TPD52: variants seen among roughly 807,000 people sequenced by gnomAD.
TPD52 encodes tumor protein D52.
A neutral mutation model predicts 31.3 loss-of-function variants in TPD52; 17 were observed. That is an observed-to-expected ratio of 0.54 (90% CI 0.37 to 0.82). TPD52 has a LOEUF of 0.82. Among genes scored for constraint, TPD52 ranks in the 40% least tolerant of loss-of-function variants. The probability of loss-of-function intolerance (pLI) is 0.00; values close to 1 mark genes in which losing one functional copy is unlikely to be tolerated. For synonymous variants in TPD52, 83 were observed against 89.6 expected (o/e 0.93, Z 0.42); for missense variants, 212 against 240.1 (o/e 0.88, Z 0.77).
chr8:80,169,270 C>G (rs140829638), intron 1 of TPD52, among the ~76,000 whole-genome samples: 1 of 152,000 alleles, frequency 6.6e-6, no homozygotes. Flanking sequence ...TGTGAGCCAC[C>G]GCACCCAGCC....
chr8:80,103,332 A>T (rs1321358801), intron 1 of TPD52, among the ~76,000 whole-genome samples: 1 of 152,226 alleles, frequency 6.6e-6, no homozygotes, highest in African/African-American at 2.4e-5. Context: ...ACTAACCTCT[A>T]ACTAGAAACT....
At chr8:80,154,823 C>T (rs1307613871) in intron 1 of TPD52, among the ~76,000 whole-genome samples, 3 of 151,054 alleles carry the variant, frequency 2.0e-5, no homozygotes, top group Non-Finnish European at 4.4e-5. Flanking sequence ...AAATCCATTT[C>T]AGGGTTTTTT....
intron 2 of TPD52, among the ~76,000 whole-genome samples, chr8:80,059,898 T>C (rs60683704): frequency 0.033 from 5,060 of 151,596 alleles, 269 homozygotes; most frequent in African/African-American, 0.12. Context: ...CTGGCCAACA[T>C]GGTGAAACCT....
intron 1 of TPD52, among the ~76,000 whole-genome samples, chr8:80,124,293 A>G: frequency 6.6e-6 from 1 of 152,022 alleles, no homozygotes; most frequent in East Asian, 1.9e-4. Flanking sequence ...AGCTTCCCAA[A>G]TAGCTGAGAC....
downstream of TPD52, among the ~76,000 whole-genome samples, chr8:80,032,099 G>A (rs935272441): frequency 1.2e-4 from 17 of 144,204 alleles, no homozygotes; most frequent in African/African-American, 4.1e-4. Flanking sequence ...GTTGCAGTGA[G>A]CCAAGATCAC....
At chr8:80,051,335 AT>A in intron 4 of TPD52, 191 bp downstream of exon 4, 1 of 566,394 alleles carries the variant, frequency 1.8e-6, no homozygotes, top group Non-Finnish European at 3.1e-6. Context: ...TCAGATGATC[AT>A]TTGATGTTAG....
intron 1 of TPD52, among the ~76,000 whole-genome samples, chr8:80,109,001 T>C (rs979937022): frequency 2.0e-5 from 3 of 152,240 alleles, no homozygotes; most frequent in African/African-American, 7.2e-5. Flanking sequence ...GTTCTCTTTA[T>C]AACAAGACAC....
chr8:80,117,560 CTCAA>C (rs758118814), intron 1 of TPD52, among the ~76,000 whole-genome samples: 32 of 152,128 alleles, frequency 2.1e-4, no homozygotes, highest in Non-Finnish European at 3.7e-4. Context: ...GACAATACCT[CTCAA>C]TCAATTTACA....
chr8:80,064,364 T>C, intron 2 of TPD52, 114 bp downstream of exon 2: 1 of 845,372 alleles, frequency 1.2e-6, no homozygotes. Flanking sequence ...AGTAAACACA[T>C]ATGCTTTCTC....
At chr8:80,072,286 G>A (rs1001087157) in intron 1 of TPD52, among the ~76,000 whole-genome samples, 5 of 151,056 alleles carry the variant, frequency 3.3e-5, no homozygotes, top group Non-Finnish European at 5.9e-5. Context: ...CCAGCCTGGC[G>A]ACAGAGAGAG....
intron 1 of TPD52, among the ~76,000 whole-genome samples, chr8:80,167,371 G>A (rs183106690): frequency 2.6e-5 from 4 of 152,346 alleles, no homozygotes; most frequent in Non-Finnish European, 5.9e-5. Flanking sequence ...CTGTGAGTGA[G>A]CGTATTTGTT....
Position 80,169,992 on chromosome 8 carries a change from C to T in TPD52, c.19+1433G>A, listed in dbSNP as rs181448989. 2.8e-4 allele frequency among the ~76,000 whole-genome samples: 43 copies of T among 152,154 alleles called. No individual in the cohort carries two copies. The East Asian group carries it at 6.9e-3, about 25-fold the overall frequency. On this transcript the variant is annotated intron_variant, in intron 1 of 7. Coordinates refer to ENST00000518937, the MANE Select transcript of TPD52 (RefSeq NM_001025253.3). ...AGGTAATGTATAATATATATATACACATAGGTAACACATATAAAGCATATT... is the reference window on the plus strand; with the variant it reads ...AGGTAATGTATAATATATATATACATATAGGTAACACATATAAAGCATATT...
At position 80,171,413 on chromosome 8, in the gene TPD52, C is replaced by T; in HGVS notation, c.19+12G>A. 1 of 1,596,790 alleles carries T rather than the reference C, an allele frequency of 6.3e-7. No individual in the cohort carries two copies. Among genetic ancestry groups the T allele is most frequent in the Non-Finnish European group, 8.5e-7 (1 of 1,177,994 alleles). Reference sequence around the variant, plus strand: ...AAGCCCGAGCCCAAGCCCGCTGGGTCCGCGCCCTCACCTTGCTCGCCGCGG... The same window carrying T: ...AAGCCCGAGCCCAAGCCCGCTGGGTTCGCGCCCTCACCTTGCTCGCCGCGG... On this transcript the variant is annotated intron_variant, in intron 1 of 7. Transcript: ENST00000518937.
chr8:80,156,740 G>A (rs1810998410), intron 1 of TPD52, among the ~76,000 whole-genome samples: 1 of 152,176 alleles, frequency 6.6e-6, no homozygotes. Context: ...ATGCAGTGCT[G>A]GACTTTCCAA....
intron 7 of TPD52, 127 bp downstream of exon 7, chr8:80,042,493 A>G: frequency 6.8e-7 from 1 of 1,463,236 alleles, no homozygotes; most frequent in Non-Finnish European, 9.0e-7. Flanking sequence ...TAACATAAGG[A>G]GTAAAGTTAT....
intron 1 of TPD52, among the ~76,000 whole-genome samples, chr8:80,141,917 C>A (rs2370374): frequency 0.64 from 95,960 of 150,890 alleles, 31,789 homozygotes; most frequent in African/African-American, 0.83. Context: ...CTCAAAAAAA[C>A]AATAAAAATA....
intron 1 of TPD52, among the ~76,000 whole-genome samples, chr8:80,118,542 A>G (rs1808032337): frequency 6.6e-6 from 1 of 152,248 alleles, no homozygotes; most frequent in African/African-American, 2.4e-5. Context: ...TGATGATGGC[A>G]TTGTATCTAG....
downstream of TPD52, among the ~76,000 whole-genome samples, chr8:80,032,538 C>T (rs1809720076): frequency 6.6e-6 from 1 of 152,118 alleles, no homozygotes; most frequent in South Asian, 2.1e-4. Context: ...ACCCCCACCT[C>T]AAAAAAGCCA....
chr8:80,151,197 C>G (rs1810545582), intron 1 of TPD52, among the ~76,000 whole-genome samples: 1 of 152,180 alleles, frequency 6.6e-6, no homozygotes, highest in Non-Finnish European at 1.5e-5. Flanking sequence ...TAAGACATGA[C>G]TTAGCTCCTC....
Sources: allele counts gnomAD v4.1 joint callset (sites outside exome capture counted in the v4.1 genomes callset), GRCh38; gene constraint gnomAD v4.1.1; transcripts MANE v1.5; gene names NCBI Gene and HGNC (gene_info 2026-07-23, HGNC 2026-07-21).